CACNA2D3: variants seen among roughly 807,000 people sequenced by gnomAD.
CACNA2D3 encodes calcium voltage-gated channel auxiliary subunit alpha2delta 3.
Under a neutral mutation model 160.6 loss-of-function variants are expected in CACNA2D3, and 60 were observed. That is an observed-to-expected ratio of 0.37 (90% CI 0.30 to 0.46). The LOEUF (loss-of-function observed/expected upper bound fraction) is 0.46, where lower values mean the gene tolerates loss of function less well. Ranked by LOEUF, CACNA2D3 falls within the 20% of genes least tolerant of loss-of-function variation. The pLI, the probability that CACNA2D3 is intolerant of heterozygous loss-of-function variation, is 1.00. For synonymous variants in CACNA2D3, 558 were observed against 492.9 expected (o/e 1.13, Z -1.75); for missense variants, 1,205 against 1,365.0 (o/e 0.88, Z 1.85).
At chr3:55,019,390 G>T (rs1408264039) in intron 35 of CACNA2D3, among the ~76,000 whole-genome samples, 1 of 151,818 alleles carries the variant, frequency 6.6e-6, no homozygotes, top group African/African-American at 2.4e-5. Context: ...GTAAGTGATA[G>T]ATCAATTTAA....
At chr3:54,247,117 G>T (rs189439614) in intron 2 of CACNA2D3, among the ~76,000 whole-genome samples, 1 of 152,284 alleles carries the variant, frequency 6.6e-6, no homozygotes, top group East Asian at 1.9e-4. Flanking sequence ...TTCAAGATCA[G>T]CCTGGCCAAC....
At chr3:54,983,103 A>G (rs1164733312) in intron 29 of CACNA2D3, among the ~76,000 whole-genome samples, 3 of 152,186 alleles carry the variant, frequency 2.0e-5, no homozygotes, top group Non-Finnish European at 4.4e-5. Flanking sequence ...TCAGATCAGC[A>G]AGGATACAGA....
At chr3:54,363,355 T>A (rs1314764115) in intron 3 of CACNA2D3, among the ~76,000 whole-genome samples, 1 of 152,142 alleles carries the variant, frequency 6.6e-6, no homozygotes. Context: ...TGTCCTGATG[T>A]CAAGCAGTTT....
intron 11 of CACNA2D3, among the ~76,000 whole-genome samples, chr3:54,740,759 C>T (rs149356326): frequency 6.6e-6 from 1 of 152,160 alleles, no homozygotes; most frequent in African/African-American, 2.4e-5. Flanking sequence ...CTATTTTGGA[C>T]TAATTCCTAG....
Position 54,351,152 on chromosome 3 carries a change from T to C in CACNA2D3, c.321+30594T>C, listed in dbSNP as rs188734452. 3.4e-4 allele frequency among the ~76,000 whole-genome samples: 52 copies of C among 151,902 alleles called. 1 individual carries two copies. Among genetic ancestry groups the C allele is most frequent in the Admixed American group, 3.4e-3 (52 of 15,260 alleles). ...ACCTACCACCATGCCCGGCTAATTT[T>C]TGTACTTTTACTAGAGAGGGGGTTA... On this transcript the variant is annotated intron_variant, in intron 3 of 37. Coordinates refer to ENST00000474759, the MANE Select transcript of CACNA2D3 (RefSeq NM_018398.3).
intron 4 of CACNA2D3, among the ~76,000 whole-genome samples, chr3:54,490,955 C>A (rs1701099708): frequency 6.6e-6 from 1 of 152,158 alleles, no homozygotes; most frequent in Non-Finnish European, 1.5e-5. Flanking sequence ...GGGCATACAA[C>A]TGTGAAGGAG....
chr3:54,950,461 A>T (rs922120601), intron 27 of CACNA2D3, among the ~76,000 whole-genome samples: 21 of 152,092 alleles, frequency 1.4e-4, no homozygotes, highest in Admixed American at 1.1e-3. Flanking sequence ...TTCCCTCTTC[A>T]TCTTGCAAGG....
At chr3:54,296,882 C>G (rs1325806192) in intron 2 of CACNA2D3, among the ~76,000 whole-genome samples, 2 of 152,130 alleles carry the variant, frequency 1.3e-5, no homozygotes, top group African/African-American at 4.8e-5. Context: ...AGTGGACACC[C>G]TGATGTTCAA....
intron 18 of CACNA2D3, 61 bp downstream of exon 18, chr3:54,871,683 T>G: frequency 7.5e-7 from 1 of 1,326,918 alleles, no homozygotes; most frequent in Non-Finnish European, 1.1e-6. Context: ...CTTCTGTACC[T>G]GGGGGCGATC....
chr3:54,664,697 G>A (rs748336984), intron 11 of CACNA2D3, among the ~76,000 whole-genome samples: 3 of 152,242 alleles, frequency 2.0e-5, no homozygotes, highest in South Asian at 4.1e-4. Context: ...AGGCCATTTC[G>A]TGGGCCTAAG....
In CACNA2D3 at chr3:54,127,012, A is replaced by T. The variant is rs148660415; in HGVS notation, c.204+3418A>T. On this transcript the variant is annotated intron_variant, in intron 2 of 37. Transcript: ENST00000474759. ...TCCGGGAACCTAGGCTGTTAAACTC[A>T]GTCTCCACACCTCTAACAATCACAA... 5.5e-3 allele frequency among the ~76,000 whole-genome samples: 836 copies of T among 152,266 alleles called. 7 individuals are homozygous for T. Among genetic ancestry groups the T allele is most frequent in the African/African-American group, 0.019 (785 of 41,538 alleles).
At chr3:55,031,157 C>G (rs1703680863) in intron 35 of CACNA2D3, among the ~76,000 whole-genome samples, 1 of 152,120 alleles carries the variant, frequency 6.6e-6, no homozygotes, top group South Asian at 2.1e-4. Flanking sequence ...AGAGCTGTGT[C>G]CACACTATTG....
chr3:54,358,861 G>T (rs1259129465), intron 3 of CACNA2D3, among the ~76,000 whole-genome samples: 1 of 152,126 alleles, frequency 6.6e-6, no homozygotes, highest in Non-Finnish European at 1.5e-5. Flanking sequence ...TAATTTTAAT[G>T]GTTTATATTT....
chr3:54,490,178 A>T (rs1417531934), intron 4 of CACNA2D3, among the ~76,000 whole-genome samples: 1 of 152,234 alleles, frequency 6.6e-6, no homozygotes, highest in Non-Finnish European at 1.5e-5. Context: ...AAATGAAAAC[A>T]CATTAGGAAC....
chr3:54,209,712 A>T (rs935521068), intron 2 of CACNA2D3, among the ~76,000 whole-genome samples: 1 of 152,206 alleles, frequency 6.6e-6, no homozygotes, highest in Admixed American at 6.5e-5. Context: ...GTTCCCTTGG[A>T]TTATATTAAT....
intron 2 of CACNA2D3, among the ~76,000 whole-genome samples, chr3:54,171,622 G>C (rs1576976853): frequency 6.6e-6 from 1 of 152,290 alleles, no homozygotes; most frequent in East Asian, 1.9e-4. Flanking sequence ...CTCACAAAAA[G>C]CTTAAAGGTT....
At chr3:54,581,709 G>T (rs974655917) in intron 8 of CACNA2D3, 94 bp from the exon 9 acceptor site, 2 of 969,164 alleles carry the variant, frequency 2.1e-6, no homozygotes, top group Non-Finnish European at 1.6e-6. Flanking sequence ...TGATTGTGCC[G>T]CTTTTTTGTT....
At chr3:55,067,952 C>T (rs1009313393) in intron 35 of CACNA2D3, among the ~76,000 whole-genome samples, 4 of 152,176 alleles carry the variant, frequency 2.6e-5, no homozygotes, top group East Asian at 1.9e-4. Flanking sequence ...GGAAAGAGGA[C>T]GGAGGATCTC....
chr3:54,550,738 C>T (rs545743870), intron 5 of CACNA2D3, among the ~76,000 whole-genome samples: 8 of 152,252 alleles, frequency 5.3e-5, no homozygotes, highest in African/African-American at 9.6e-5. Context: ...CTCATTTCCC[C>T]GTGGTATAGT....
Sources: gnomAD v4.1 joint callset for allele counts (sites outside exome capture counted in the v4.1 genomes callset) on GRCh38, gnomAD v4.1.1 for gene constraint, MANE v1.5 for transcripts, NCBI Gene and HGNC (gene_info 2026-07-23, HGNC 2026-07-21) for gene names.